SYNE1: variants seen among roughly 807,000 people sequenced by gnomAD.
The protein encoded by SYNE1 is spectrin repeat containing nuclear envelope protein 1, also known as nesprin-1.
In SYNE1, 616 loss-of-function variants were observed where a neutral mutation model predicts 1,111.0. The ratio of observed to expected loss-of-function variants is 0.55; its 90% confidence interval spans 0.52 to 0.59. SYNE1 has a LOEUF of 0.59. Ranked by LOEUF, SYNE1 falls within the 20% of genes least tolerant of loss-of-function variation. The probability of loss-of-function intolerance (pLI) is 0.00; values close to 1 mark genes in which losing one functional copy is unlikely to be tolerated. For synonymous variants in SYNE1, 3,855 were observed against 3,825.8 expected (o/e 1.01, Z -0.28); for missense variants, 10,006 against 10,417.0 (o/e 0.96, Z 1.72).
Position 152,323,502 on chromosome 6 carries a change from G to T in SYNE1, c.15893C>A (p.Thr5298Asn), listed in dbSNP as rs774416594. 1 of 1,614,076 alleles carries T rather than the reference G, an allele frequency of 6.2e-7. No individual in the cohort carries two copies. Among genetic ancestry groups the T allele is most frequent in the South Asian group, 1.1e-5 (1 of 91,084 alleles). Residue 5298 changes from threonine to asparagine, a missense_variant, in exon 82 of 146, where the codon ACC (threonine) becomes AAC (asparagine). Around this residue, in one of 7 missense-constraint regions of SYNE1, gnomAD observed 4,955 missense variants for 5,017.2 expected, o/e 0.99. Coordinates refer to ENST00000367255, the MANE Select transcript of SYNE1 (RefSeq NM_182961.4). ...CTTCAGGCACCGATCTTGCATGGCG[G>T]TGATTTCCTGCATGAGCGGAGGCTC... is the stretch of plus-strand genomic sequence containing the variant. ...GEEPPLMQEI[T>N]AMQDRCLNMQ...
chr6:152,350,645 A>T lies in SYNE1; in HGVS notation c.11706T>A (p.Asp3902Glu), dbSNP rs775097525. The change falls in exon 71 of 146, where the codon GAT becomes GAA. Residue 3902 changes from aspartate to glutamate, a missense_variant. Physicochemically the swap from Asp to Glu is conservative, Grantham distance 45. Transcript: ENST00000367255. The stretch of plus-strand genomic sequence containing the variant: ...TTCCTATGCTGCACAGGTCCTGGTA[A>T]TCACTTTGAAGTTGATCTATTTTGT... ...LKDKIDQLQS[D>E]YQDLCSIGKE... 6.8e-6 allele frequency: 11 copies of T among 1,613,982 alleles called. No individual in the cohort carries two copies. In the East Asian group the frequency reaches 2.5e-4, roughly 36 times the overall value.
chr6:152,427,942 A>G, intron 37 of SYNE1, 126 bp from the exon 38 acceptor site: 1 of 1,362,530 alleles, frequency 7.3e-7, no homozygotes, highest in South Asian at 1.3e-5. Flanking sequence ...TCAGTCTTAG[A>G]TATGCCAGCA....
In SYNE1 at chr6:152,602,906, G is replaced by A. The variant is rs141496816; in HGVS notation, c.67+25359C>T. Among the ~76,000 whole-genome samples, 1,505 of 152,292 alleles carry A rather than the reference G, an allele frequency of 9.9e-3. 17 individuals are homozygous for A. Among genetic ancestry groups the A allele is most frequent in the Middle Eastern group, 0.027 (8 of 294 alleles). The stretch of plus-strand genomic sequence containing the variant: ...AGGAAAGAGAAGTTCTCCTGTAAGA[G>A]CTGGCTTAAATGGAGAGGTGCCCCT... On this transcript the variant is annotated intron_variant, in intron 3 of 145. Coordinates refer to ENST00000367255, the MANE Select transcript of SYNE1 (RefSeq NM_182961.4).
At chr6:152,541,495 T>C (rs1594982619) in intron 3 of SYNE1, among the ~76,000 whole-genome samples, 1 of 152,202 alleles carries the variant, frequency 6.6e-6, no homozygotes, top group South Asian at 2.1e-4. Context: ...ATGCCTGTAA[T>C]CCCAGCACTT....
chr6:152,416,471 T>A lies in SYNE1; in HGVS notation c.5966A>T (p.Glu1989Val), dbSNP rs762574786. 6.2e-7 allele frequency: 1 copy of A among 1,614,134 alleles called. No individual in the cohort carries two copies. The highest frequency in any genetic ancestry group is 1.7e-5 in the Admixed American group (1 of 60,012). Residue 1989 changes from glutamate to valine, a missense_variant, in exon 41 of 146, where the codon GAG (glutamate) becomes GTG (valine). Glu to Val is a moderately radical substitution (Grantham distance 121). This residue lies in a region of SYNE1 where 4,955 missense variants were observed against 5,017.2 expected (regional missense o/e 0.99). Coordinates refer to ENST00000367255, the MANE Select transcript of SYNE1 (RefSeq NM_182961.4). ...LKKAFQDQKE[E>V]LLKSIEDIEE... ...AATGTCCTCAATGCTTTTCAGAAGC[T>A]CCTCTTTCTGGTCTTGGAATGCTTT...
Position 152,236,285 on chromosome 6 carries a change from T to C in SYNE1, c.20218A>G (p.Asn6740Asp). Residue 6740 changes from asparagine (N) to aspartate (D), a missense_variant, in exon 110 of 146, where the codon AAT becomes GAT. Around this residue, in one of 7 missense-constraint regions of SYNE1, gnomAD observed 2,182 missense variants for 2,287.8 expected, o/e 0.95. Coordinates refer to ENST00000367255, the MANE Select transcript of SYNE1 (RefSeq NM_182961.4). ...TGATATAATTTGGGCTGGTATTCAT[T>C]AAGGCTAGATTTTAAATGCTAAAAT... ...TLYQHLKSSL[N>D]EYQPKLYQVL... 3.7e-6 allele frequency: 6 copies of C among 1,613,114 alleles called. No individual in the cohort carries two copies. Among genetic ancestry groups the C allele is most frequent in the Non-Finnish European group, 4.2e-6 (5 of 1,179,160 alleles).
At chr6:152,199,715 G>A (rs2075003105) in intron 127 of SYNE1, among the ~76,000 whole-genome samples, 1 of 152,124 alleles carries the variant, frequency 6.6e-6, no homozygotes, top group African/African-American at 2.4e-5. Flanking sequence ...GGTTTCCAAA[G>A]GCAATGGCAA....
chr6:152,216,926 G>C (rs893361496), intron 121 of SYNE1, among the ~76,000 whole-genome samples: 1 of 151,784 alleles, frequency 6.6e-6, no homozygotes. Flanking sequence ...AGCAGGGCAT[G>C]GTGGCACATG....
At chr6:152,413,306 A>G (rs1019231526) in intron 42 of SYNE1, 46 bp downstream of exon 42, 1 of 1,601,626 alleles carries the variant, frequency 6.2e-7, no homozygotes, top group Non-Finnish European at 8.6e-7. Context: ...AATGTCACAT[A>G]ATAAGTGGGA....
Position 152,409,084 on chromosome 6 carries a change from A to G in SYNE1, c.6524T>C (p.Val2175Ala), listed in dbSNP as rs376472102. The change falls in exon 44 of 146, where the codon GTG becomes GCG. Residue 2175 changes from valine (V) to alanine (A), a missense_variant. Val to Ala is a moderately conservative substitution (Grantham distance 64). Around this residue, in one of 7 missense-constraint regions of SYNE1, gnomAD observed 4,955 missense variants for 5,017.2 expected, o/e 0.99. Coordinates refer to ENST00000367255, the MANE Select transcript of SYNE1 (RefSeq NM_182961.4). Reference sequence around the variant, plus strand: ...TTATCTTACATCCAGCCATTTGTCCACGGTGCTCTCCATGTCTGTTTTCAC... The same window carrying G: ...TTATCTTACATCCAGCCATTTGTCCGCGGTGCTCTCCATGTCTGTTTTCAC... ...SLVKTDMEST[V>A]DKWLDVSEKL... 5 of 1,614,024 alleles carry G rather than the reference A, an allele frequency of 3.1e-6. No individual in the cohort carries two copies. The highest frequency in any genetic ancestry group is 1.3e-5 in the African/African-American group (1 of 74,926).
intron 14 of SYNE1, chr6:152,478,623 T>G (rs2098849880): frequency 1.3e-5 from 2 of 152,362 alleles, no homozygotes; most frequent in Admixed American, 1.3e-4. Context: ...TCTGATTGCT[T>G]CTATTTTCTC....
intron 119 of SYNE1, among the ~76,000 whole-genome samples, 194 bp downstream of exon 119, chr6:152,220,648 T>C (rs1178290392): frequency 6.6e-6 from 1 of 152,132 alleles, no homozygotes; most frequent in African/African-American, 2.4e-5. Flanking sequence ...AATAAAACAA[T>C]GGGAGGAGAC....
intron 39 of SYNE1, 21 bp from the exon 40 acceptor site, chr6:152,419,743 A>T (rs1417024415): frequency 6.2e-7 from 1 of 1,613,046 alleles, no homozygotes; most frequent in Non-Finnish European, 8.5e-7. Context: ...AAAGTATTAA[A>T]GTTAAAATGT....
intron 87 of SYNE1, chr6:152,311,158 CGT>C: frequency 2.2e-6 from 1 of 464,424 alleles, no homozygotes; most frequent in Non-Finnish European, 4.0e-6. Context: ...GCTGCCCCCT[CGT>C]GAGAACAGGA....
intron 2 of SYNE1, among the ~76,000 whole-genome samples, chr6:152,630,165 C>T (rs1451265044): frequency 6.6e-6 from 1 of 151,854 alleles, no homozygotes; most frequent in African/African-American, 2.4e-5. Flanking sequence ...TTGCACATTG[C>T]TGCTGCCCCA....
chr6:152,572,596 G>A (rs1247703329), intron 3 of SYNE1, among the ~76,000 whole-genome samples: 2 of 152,194 alleles, frequency 1.3e-5, no homozygotes, highest in South Asian at 4.1e-4. Flanking sequence ...CAGAATGTCA[G>A]TAATACTACT....
At chr6:152,216,861 C>T (rs892686127) in intron 121 of SYNE1, among the ~76,000 whole-genome samples, 4 of 151,998 alleles carry the variant, frequency 2.6e-5, no homozygotes, top group African/African-American at 9.7e-5. Context: ...CGAGACCAGC[C>T]TGGCCAACAT....
At position 152,326,415 on chromosome 6, in the gene SYNE1, G is replaced by C; in HGVS notation, c.15174C>G (p.Thr5058=). 28 of 1,614,154 alleles carry C rather than the reference G, an allele frequency of 1.7e-5. 1 individual carries two copies. The highest frequency in any genetic ancestry group is 2.4e-5 in the Non-Finnish European group (28 of 1,180,034). Residue 5058 remains threonine (T), a synonymous_variant, in exon 79 of 146, where the codon ACC becomes ACG. Coordinates refer to ENST00000367255, the MANE Select transcript of SYNE1 (RefSeq NM_182961.4). ...CGGTTGGCTTGATGAGTGGGTCCAG[G>C]GTGGCTACCAGGCTGTGGAGCTCCT... ...NLEELHSLVA[T]LDPLIKPTGK...
intron 126 of SYNE1, 61 bp from the exon 127 acceptor site, chr6:152,202,010 A>T: frequency 6.3e-7 from 1 of 1,580,998 alleles, no homozygotes; most frequent in Non-Finnish European, 8.7e-7. Context: ...TGGGGGGGGA[A>T]AAGAAAAGAA....
Sources: allele counts gnomAD v4.1 joint callset (sites outside exome capture counted in the v4.1 genomes callset), GRCh38; gene constraint gnomAD v4.1.1; regional missense constraint gnomAD v4.1.1; transcripts MANE v1.5; gene names NCBI Gene and HGNC (gene_info 2026-07-23, HGNC 2026-07-21).